The following ARHGEF26 variants were observed in gnomAD, a reference collection of about 807,000 sequenced individuals.
ARHGEF26 encodes Rho guanine nucleotide exchange factor (GEF) 26.
In ARHGEF26, 59 loss-of-function variants were observed where a neutral mutation model predicts 89.4. The observed-to-expected ratio is 0.66, with a 90% CI of 0.54 to 0.82. ARHGEF26 has a LOEUF of 0.82. Ranked by LOEUF, ARHGEF26 falls within the 40% of genes least tolerant of loss-of-function variation. The probability of loss-of-function intolerance (pLI) is 0.00; values close to 1 mark genes in which losing one functional copy is unlikely to be tolerated. For synonymous variants in ARHGEF26, 500 were observed against 428.4 expected (o/e 1.17, Z -2.06); for missense variants, 1,234 against 1,085.6 (o/e 1.14, Z -1.92).
chr3:154,143,240 C>G (rs1162307992), intron 4 of ARHGEF26, among the ~76,000 whole-genome samples: 2 of 152,168 alleles, frequency 1.3e-5, no homozygotes, highest in Non-Finnish European at 2.9e-5. Context: ...ACATTTTTGT[C>G]TATAACTTTT....
chr3:154,187,130 T>C, intron 6 of ARHGEF26: 1 of 543,336 alleles, frequency 1.8e-6, no homozygotes, highest in Non-Finnish European at 2.3e-6. Context: ...CAACTCATAA[T>C]CCACCCGCTT....
At chr3:154,149,534 GT>G in intron 5 of ARHGEF26, 89 bp downstream of exon 5, 2 of 1,076,034 alleles carry the variant, frequency 1.9e-6, no homozygotes, top group South Asian at 1.9e-5. Flanking sequence ...GTGTGCACTT[GT>G]TTAGTGTTGC....
chr3:154,220,228 A>G (rs1716041087), intron 10 of ARHGEF26, among the ~76,000 whole-genome samples: 1 of 152,232 alleles, frequency 6.6e-6, no homozygotes. Flanking sequence ...TTGTAAGAAT[A>G]GAGCAGATTT....
intron 6 of ARHGEF26, among the ~76,000 whole-genome samples, chr3:154,154,137 T>C (rs980453742): frequency 6.6e-6 from 1 of 152,146 alleles, no homozygotes; most frequent in Non-Finnish European, 1.5e-5. Context: ...AGTGGTAAAG[T>C]TCACGTTATT....
Position 154,254,825 on chromosome 3 carries a change from G to C in ARHGEF26, c.2473+1G>C, listed in dbSNP as rs1284059610. 3 of 1,613,110 alleles carry C rather than the reference G, an allele frequency of 1.9e-6. No homozygotes were observed. The highest frequency in any genetic ancestry group is 4.5e-5 in the East Asian group (2 of 44,862). The stretch of plus-strand genomic sequence containing the variant: ...CTCATCTATCAACGTGTCAGCGATG[G>C]TGAGTGGGAGCGTTCTTATGGGACA... On this transcript the variant is annotated splice_donor_variant, in intron 14 of 14. Coordinates refer to ENST00000465093, the MANE Select transcript of ARHGEF26 (RefSeq NM_015595.4). LOFTEE classifies it high-confidence loss of function.
intron 14 of ARHGEF26, 66 bp from the exon 15 acceptor site, chr3:154,255,265 A>G: frequency 6.5e-7 from 1 of 1,529,764 alleles, no homozygotes; most frequent in East Asian, 2.3e-5. Flanking sequence ...CAGCTTTTTC[A>G]TATCCTTGGA....
intron 9 of ARHGEF26, among the ~76,000 whole-genome samples, chr3:154,204,211 G>A (rs531071511): frequency 4.0e-5 from 6 of 151,642 alleles, no homozygotes; most frequent in African/African-American, 1.2e-4. Flanking sequence ...TTTCTTCTTG[G>A]TTCAATCTTG....
rs1443639833 is a variant in ARHGEF26 at position 154,256,455 on chromosome 3, C to T, written c.*982C>T. 2 of 867,532 alleles carry T rather than the reference C, an allele frequency of 2.3e-6. No homozygotes were observed. Among genetic ancestry groups the T allele is most frequent in the Non-Finnish European group, 2.8e-6 (2 of 724,344 alleles). The allele number at this position is 867,532 out of a possible 1,614,324, so 53.7% of individuals were successfully genotyped here. ...CCAGGATGGTCTCTTAACTCCTGCC[C>T]TCAAGTGATCCACCAGAGAGGAGAT... On this transcript the variant is annotated 3_prime_UTR_variant, in exon 15 of 15. Coordinates refer to ENST00000465093, the MANE Select transcript of ARHGEF26 (RefSeq NM_015595.4).
In ARHGEF26 at chr3:154,213,220, T is replaced by A. The variant is rs57789269; in HGVS notation, c.1846-4649T>A. On this transcript the variant is annotated intron_variant, in intron 9 of 14. Coordinates refer to ENST00000465093, the MANE Select transcript of ARHGEF26 (RefSeq NM_015595.4). ...GTAACATAGAGAGAGAGAGAGAGTG[T>A]GTGTGTGTGTGTGTGTGTGTGTATA... Among the ~76,000 whole-genome samples the A allele has an allele frequency of 3.1e-3, 299 of 97,396 alleles. 3 individuals are homozygous for A. The highest frequency in any genetic ancestry group is 7.7e-3 in the African/African-American group (241 of 31,168). The allele number at this position is 97,396 out of a possible 152,430, so 63.9% of individuals were successfully genotyped here. A position where few individuals can be genotyped will look rare whatever the true frequency, so the allele number is the denominator to read the frequency against.
At chr3:154,249,483 T>TA (rs779368499) in intron 12 of ARHGEF26, among the ~76,000 whole-genome samples, 1 of 152,242 alleles carries the variant, frequency 6.6e-6, no homozygotes, top group Non-Finnish European at 1.5e-5. Flanking sequence ...ACATTTAAGT[T>TA]AAAAGAGTCT....
At chr3:154,152,705 T>C in intron 5 of ARHGEF26, 67 bp from the exon 6 acceptor site, 2 of 1,203,388 alleles carry the variant, frequency 1.7e-6, no homozygotes, top group Non-Finnish European at 1.1e-6. Flanking sequence ...ACAGCAAAAT[T>C]ATGAGAGCTA....
chr3:154,181,994 TA>T (rs147252979), intron 6 of ARHGEF26, among the ~76,000 whole-genome samples: 1,614 of 152,178 alleles, frequency 0.011, 23 homozygotes, highest in African/African-American at 0.037. Flanking sequence ...CTGTCTCCTA[TA>T]TTCCAGGTAC....
At chr3:154,133,092 G>A (rs890741745) in intron 4 of ARHGEF26, among the ~76,000 whole-genome samples, 3 of 152,154 alleles carry the variant, frequency 2.0e-5, no homozygotes, top group African/African-American at 4.8e-5. Flanking sequence ...ATCCTTATCA[G>A]TTGACTATAA....
At chr3:154,239,394 A>G (rs1717358652) in intron 11 of ARHGEF26, among the ~76,000 whole-genome samples, 1 of 151,466 alleles carries the variant, frequency 6.6e-6, no homozygotes, top group Admixed American at 6.6e-5. Flanking sequence ...AACTCAAGGG[A>G]GAGGATCGGA....
intron 6 of ARHGEF26, among the ~76,000 whole-genome samples, chr3:154,161,613 T>C (rs1195661082): frequency 2.0e-5 from 3 of 152,198 alleles, no homozygotes; most frequent in Admixed American, 2.0e-4. Context: ...TAGGACTAAA[T>C]TAAAGAATAG....
At chr3:154,213,199 CAT>C (rs1553747857) in intron 9 of ARHGEF26, among the ~76,000 whole-genome samples, 1 of 65,836 alleles carries the variant, frequency 1.5e-5, no homozygotes, top group Non-Finnish European at 3.1e-5. Flanking sequence ...TTACGAGTAA[CAT>C]AGAGAGAGAG....
At chr3:154,137,281 G>A (rs1235928248) in intron 4 of ARHGEF26, among the ~76,000 whole-genome samples, 2 of 152,086 alleles carry the variant, frequency 1.3e-5, no homozygotes, top group Non-Finnish European at 2.9e-5. Flanking sequence ...AGAGACCTGA[G>A]CTAGCTCGTT....
chr3:154,152,998 C>T, intron 6 of ARHGEF26, 66 bp downstream of exon 6: 5 of 1,326,424 alleles, frequency 3.8e-6, no homozygotes, highest in Non-Finnish European at 4.0e-6. Context: ...ACTTTGTTAT[C>T]TCTAAAGGAA....
chr3:154,139,340 A>G (rs1282911039), intron 4 of ARHGEF26, among the ~76,000 whole-genome samples: 1 of 152,170 alleles, frequency 6.6e-6, no homozygotes, highest in East Asian at 1.9e-4. Flanking sequence ...ACTTTTAAAT[A>G]TATCATATAC....
Sources: gnomAD v4.1 joint callset for allele counts (sites outside exome capture counted in the v4.1 genomes callset) on GRCh38, gnomAD v4.1.1 for gene constraint, MANE v1.5 for transcripts, NCBI Gene and HGNC (gene_info 2026-07-23, HGNC 2026-07-21) for gene names.